Variants in RSRC1 observed in about 807,000 individuals in gnomAD.
RSRC1 encodes serine/Arginine-related protein 53.
A neutral mutation model predicts 49.1 loss-of-function variants in RSRC1; 39 were observed. The observed-to-expected ratio is 0.79, with a 90% CI of 0.61 to 1.04. The LOEUF (loss-of-function observed/expected upper bound fraction) is 1.04, where lower values mean the gene tolerates loss of function less well. Among genes scored for constraint, RSRC1 ranks in the 50% least tolerant of loss-of-function variants. The probability of loss-of-function intolerance (pLI) is 0.00; values close to 1 mark genes in which losing one functional copy is unlikely to be tolerated. For synonymous variants in RSRC1, 143 were observed against 130.8 expected (o/e 1.09, Z -0.63); for missense variants, 388 against 402.4 (o/e 0.96, Z 0.31).
chr3:158,327,649 C>G (rs1036063493), intron 5 of RSRC1, among the ~76,000 whole-genome samples: 2 of 151,944 alleles, frequency 1.3e-5, no homozygotes, highest in Non-Finnish European at 2.9e-5. Flanking sequence ...GCTTTACTTC[C>G]AACTATGTGG....
At chr3:158,126,506 T>C (rs1169565661) in intron 3 of RSRC1, among the ~76,000 whole-genome samples, 3 of 152,350 alleles carry the variant, frequency 2.0e-5, no homozygotes, top group African/African-American at 7.2e-5. Flanking sequence ...TTTTATGTTA[T>C]TGATATCACA....
At chr3:158,436,679 GAC>G (rs1159524582) in intron 6 of RSRC1, among the ~76,000 whole-genome samples, 3 of 151,564 alleles carry the variant, frequency 2.0e-5, no homozygotes, top group Non-Finnish European at 4.4e-5. Context: ...AAATAGAACA[GAC>G]ACATGCATTT....
intron 5 of RSRC1, among the ~76,000 whole-genome samples, chr3:158,316,438 A>ATTTTTTTTTTTTGTTTTTTTTT (rs1728453911): frequency 1.4e-5 from 1 of 72,220 alleles, no homozygotes; most frequent in Non-Finnish European, 2.4e-5. Flanking sequence ...AGAATCTCTC[A>ATTTTTTTTTTTTGTTTTTTTTT]TTTTTTTTTT....
At chr3:158,160,851 G>T (rs1304223572) in intron 3 of RSRC1, among the ~76,000 whole-genome samples, 1 of 152,120 alleles carries the variant, frequency 6.6e-6, no homozygotes, top group African/African-American at 2.4e-5. Flanking sequence ...TTATTTGATT[G>T]TCAGCATCAC....
At chr3:158,538,237 T>A (rs73022714) in intron 8 of RSRC1, among the ~76,000 whole-genome samples, 25,778 of 151,794 alleles carry the variant, frequency 0.17, 2,394 homozygotes, top group African/African-American at 0.24. Context: ...TAAAATAATT[T>A]ATTCAGGAGA....
intron 5 of RSRC1, among the ~76,000 whole-genome samples, chr3:158,307,149 A>G (rs1367216116): frequency 6.7e-6 from 1 of 150,260 alleles, no homozygotes; most frequent in African/African-American, 2.5e-5. Flanking sequence ...TGTTTTTTTT[A>G]CTGAGCACAT....
intron 6 of RSRC1, among the ~76,000 whole-genome samples, chr3:158,399,123 C>CTTT (rs1161504489): frequency 1.3e-4 from 4 of 30,106 alleles, no homozygotes; most frequent in Non-Finnish European, 1.3e-4. Context: ...CTATTATTTC[C>CTTT]TTTTTTTTTT....
At chr3:158,375,976 A>C (rs1332231025) in intron 6 of RSRC1, among the ~76,000 whole-genome samples, 1 of 150,324 alleles carries the variant, frequency 6.7e-6, no homozygotes, top group Non-Finnish European at 1.5e-5. Context: ...TCAATATTTT[A>C]AGGGTGACTC....
intron 6 of RSRC1, among the ~76,000 whole-genome samples, chr3:158,360,390 T>G (rs1293272630): frequency 6.6e-6 from 1 of 152,170 alleles, no homozygotes; most frequent in Non-Finnish European, 1.5e-5. Flanking sequence ...TCCATAGGAC[T>G]GGCAGCCCAG....
intron 1 of RSRC1, among the ~76,000 whole-genome samples, chr3:158,113,411 C>T (rs377374807): frequency 1.8e-4 from 27 of 151,150 alleles, no homozygotes; most frequent in South Asian, 8.4e-4. Context: ...ACTCTGTCAC[C>T]AGGCTGGAGT....
chr3:158,118,180 A>C (rs1714974751), intron 1 of RSRC1, among the ~76,000 whole-genome samples: 4 of 151,878 alleles, frequency 2.6e-5, no homozygotes, highest in African/African-American at 9.7e-5. Context: ...AAACTCCTGG[A>C]CTCAAGTGAT....
At position 158,122,257 on chromosome 3, in the gene RSRC1, G is replaced by A; in HGVS notation, c.153G>A (p.Trp51Ter). 6.3e-7 allele frequency: 1 copy of A among 1,599,284 alleles called. No individual in the cohort carries two copies. The highest frequency in any genetic ancestry group is 8.5e-7 in the Non-Finnish European group (1 of 1,172,504). Residue 51 changes from tryptophan to a stop codon, truncating the protein, a stop_gained, in exon 2 of 10, where the codon TGG becomes TGA. Coordinates refer to ENST00000611884, the MANE Select transcript of RSRC1 (RefSeq NM_001271838.2). LOFTEE classifies it high-confidence loss of function. ...GRKSRSKSRSWSRDLQPRSHS... is the reference protein window; with the variant it reads ...GRKSRSKSRS ...AATCAAGATCAAAGTCAAGATCTTGGTCCAGAGATCTTCAGCCTCGTTCAC... is the reference window on the plus strand; with the variant it reads ...AATCAAGATCAAAGTCAAGATCTTGATCCAGAGATCTTCAGCCTCGTTCAC...
intron 1 of RSRC1, among the ~76,000 whole-genome samples, chr3:158,113,371 C>CTTTT (rs34005788): frequency 1.4e-5 from 2 of 138,590 alleles, no homozygotes; most frequent in South Asian, 4.6e-4. Context: ...TGTTTTTTGA[C>CTTTT]TTTTTTTTTT....
At chr3:158,514,036 T>C (rs1740357067) in intron 7 of RSRC1, among the ~76,000 whole-genome samples, 1 of 152,214 alleles carries the variant, frequency 6.6e-6, no homozygotes, top group South Asian at 2.1e-4. Context: ...GCTAGCGGTC[T>C]ATCAATTTTG....
chr3:158,170,765 T>G (rs1718835981), intron 3 of RSRC1, among the ~76,000 whole-genome samples: 1 of 152,108 alleles, frequency 6.6e-6, no homozygotes, highest in Admixed American at 6.6e-5. Flanking sequence ...CCAGAGTGTT[T>G]AGGGGCAATT....
chr3:158,521,234 C>T (rs1711655414), intron 7 of RSRC1, among the ~76,000 whole-genome samples: 1 of 151,918 alleles, frequency 6.6e-6, no homozygotes, highest in Non-Finnish European at 1.5e-5. Context: ...GAGATTATGC[C>T]CTAGAGCCAC....
Position 158,283,385 on chromosome 3 carries a change from T to C in RSRC1, c.495-14654T>C, listed in dbSNP as rs561970236. Among the ~76,000 whole-genome samples, 9 of 152,234 alleles carry C rather than the reference T, an allele frequency of 5.9e-5. No homozygotes were observed. In the South Asian group the frequency reaches 1.9e-3, roughly 32 times the overall value. Reference sequence around the variant, plus strand: ...CAATTAGAATGAACAAAAAAAGTACTCATAATCCCACTGTCAAATACTGTT... The same window carrying C: ...CAATTAGAATGAACAAAAAAAGTACCCATAATCCCACTGTCAAATACTGTT... On this transcript the variant is annotated intron_variant, in intron 4 of 9. Transcript: ENST00000611884.
intron 5 of RSRC1, among the ~76,000 whole-genome samples, chr3:158,349,889 A>G (rs7614259): frequency 0.43 from 64,651 of 150,468 alleles, 14,753 homozygotes; most frequent in South Asian, 0.6. Flanking sequence ...GTAAAGACAG[A>G]GTTTCACCAT....
At chr3:158,488,874 A>G (rs147836345) in intron 7 of RSRC1, among the ~76,000 whole-genome samples, 1 of 152,340 alleles carries the variant, frequency 6.6e-6, no homozygotes, top group Non-Finnish European at 1.5e-5. Context: ...GCATGAGGTC[A>G]TGCAGCCTAG....
Sources: allele counts gnomAD v4.1 joint callset (sites outside exome capture counted in the v4.1 genomes callset), GRCh38; gene constraint gnomAD v4.1.1; transcripts MANE v1.5; gene names NCBI Gene and HGNC (gene_info 2026-07-23, HGNC 2026-07-21).